The following NLGN1 variants were observed in gnomAD, a reference collection of about 807,000 sequenced individuals.
NLGN1 encodes neuroligin-1.
Under a neutral mutation model 65.5 loss-of-function variants are expected in NLGN1, and 12 were observed. The ratio of observed to expected loss-of-function variants is 0.18; its 90% confidence interval spans 0.12 to 0.30. The LOEUF (loss-of-function observed/expected upper bound fraction) is 0.30. NLGN1 is among the 10% of genes least tolerant of loss of function. NLGN1 has a pLI of 1.00. For missense variants in NLGN1, 750 were observed against 1,007.1 expected, an observed-to-expected ratio of 0.74 and a Z score of 3.46; for synonymous variants, 350 against 359.5, an observed-to-expected ratio of 0.97 and a Z score of 0.30.
intron 4 of NLGN1, among the ~76,000 whole-genome samples, chr3:174,259,903 C>T (rs1332301764): frequency 7.0e-6 from 1 of 142,646 alleles, no homozygotes; most frequent in Admixed American, 7.5e-5. Context: ...TCTCATTCTT[C>T]AATTCCCACC....
intron 4 of NLGN1, among the ~76,000 whole-genome samples, chr3:173,898,265 G>C (rs78163169): frequency 0.046 from 7,071 of 152,188 alleles, 367 homozygotes; most frequent in African/African-American, 0.13. Context: ...CAATTTTACA[G>C]AAAGTAAACA....
At chr3:173,557,299 T>C (rs922998753) in intron 2 of NLGN1, among the ~76,000 whole-genome samples, 25 of 152,190 alleles carry the variant, frequency 1.6e-4, no homozygotes, top group Admixed American at 1.6e-3. Context: ...TTAGGGTTTG[T>C]ATGGCACCTG....
intron 4 of NLGN1, among the ~76,000 whole-genome samples, chr3:173,810,739 A>C (rs530123279): frequency 6.6e-6 from 1 of 152,358 alleles, no homozygotes. Flanking sequence ...CATGTTAAAA[A>C]AAATTTGTTT....
intron 3 of NLGN1, among the ~76,000 whole-genome samples, chr3:173,637,969 G>GC (rs1756849420): frequency 6.6e-6 from 1 of 152,132 alleles, no homozygotes; most frequent in African/African-American, 2.4e-5. Flanking sequence ...AAACTTTGAT[G>GC]ATAAACCATT....
At chr3:174,255,435 C>CAAAAAAAAAAAAAA (rs71162383) in intron 4 of NLGN1, among the ~76,000 whole-genome samples, 4 of 70,218 alleles carry the variant, frequency 5.7e-5, no homozygotes, top group African/African-American at 1.5e-4. Context: ...GACTCTGTCT[C>CAAAAAAAAAAAAAA]AAAAAAAAAA....
At chr3:173,867,408 A>G (rs1045449204) in intron 4 of NLGN1, among the ~76,000 whole-genome samples, 8 of 152,148 alleles carry the variant, frequency 5.3e-5, no homozygotes, top group African/African-American at 1.7e-4. Context: ...GAGTTACTAT[A>G]ACTGGCAATT....
At chr3:174,041,716 G>A (rs901315843) in intron 4 of NLGN1, among the ~76,000 whole-genome samples, 8 of 151,868 alleles carry the variant, frequency 5.3e-5, no homozygotes, top group East Asian at 1.9e-4. Flanking sequence ...GCACTTTTTC[G>A]TGTGTTTATT....
At chr3:174,000,401 G>A (rs1040831137) in intron 4 of NLGN1, among the ~76,000 whole-genome samples, 16 of 151,890 alleles carry the variant, frequency 1.1e-4, no homozygotes, top group Admixed American at 9.8e-4. Flanking sequence ...AATTCAACTG[G>A]CATAAACAAT....
At chr3:173,418,390 T>G (rs569402) in intron 1 of NLGN1, among the ~76,000 whole-genome samples, 50,631 of 151,748 alleles carry the variant, frequency 0.33, 9,656 homozygotes, top group African/African-American at 0.53. Context: ...AATTCTTGGG[T>G]TTAAAGATAT....
chr3:173,717,228 C>A (rs890064118), intron 3 of NLGN1, among the ~76,000 whole-genome samples: 1 of 152,086 alleles, frequency 6.6e-6, no homozygotes. Flanking sequence ...TTGATGTGAT[C>A]TGTTCTAAAA....
chr3:173,664,105 C>T (rs1761363771), intron 3 of NLGN1, among the ~76,000 whole-genome samples: 1 of 151,872 alleles, frequency 6.6e-6, no homozygotes, highest in Admixed American at 6.6e-5. Flanking sequence ...TGTGCTTCTC[C>T]AAAATATGAA....
intron 3 of NLGN1, among the ~76,000 whole-genome samples, chr3:173,690,455 G>A (rs1164270488): frequency 1.3e-5 from 2 of 152,000 alleles, no homozygotes; most frequent in Non-Finnish European, 2.9e-5. Context: ...TACCTTCTGT[G>A]GCATTTTTCA....
chr3:173,767,792 A>G (rs567706869), intron 3 of NLGN1, among the ~76,000 whole-genome samples: 1 of 152,216 alleles, frequency 6.6e-6, no homozygotes, highest in East Asian at 1.9e-4. Flanking sequence ...TTTCTTCAAC[A>G]TAAATTATAG....
intron 4 of NLGN1, among the ~76,000 whole-genome samples, chr3:174,110,856 A>G (rs1293695637): frequency 6.6e-6 from 1 of 151,984 alleles, no homozygotes; most frequent in African/African-American, 2.4e-5. Context: ...AGATGAATTA[A>G]ACCAATTTAA....
intron 3 of NLGN1, among the ~76,000 whole-genome samples, chr3:173,718,042 A>T (rs1770164995): frequency 6.6e-6 from 1 of 152,112 alleles, no homozygotes; most frequent in African/African-American, 2.4e-5. Flanking sequence ...CTATACATAT[A>T]TACGGGGCAC....
rs920247136 is a variant in NLGN1 at position 174,001,361 on chromosome 3, G to A, written c.646+193529G>A. 5.9e-5 allele frequency among the ~76,000 whole-genome samples: 9 copies of A among 151,900 alleles called. 2 individuals are homozygous for A. The highest frequency in any genetic ancestry group is 6.6e-5 in the Admixed American group (1 of 15,256). ...TTGAAAAAAAAAAATCAGAAAATTG[G>A]GAATAGAAGTAAGTTTTGGATAAGA... is the stretch of plus-strand genomic sequence containing the variant. On this transcript the variant is annotated intron_variant, in intron 4 of 6. Coordinates refer to ENST00000457714, the Ensembl canonical transcript of NLGN1.
chr3:174,043,591 C>A (rs909327731), intron 4 of NLGN1, among the ~76,000 whole-genome samples: 1 of 152,244 alleles, frequency 6.6e-6, no homozygotes, highest in African/African-American at 2.4e-5. Context: ...TCCTTTGACT[C>A]CATGTCTCAC....
At position 174,163,391 on chromosome 3, in the gene NLGN1, C is replaced by T. The variant is rs147615637; in HGVS notation, c.647-111924C>T. Among the ~76,000 whole-genome samples the T allele has an allele frequency of 2.1e-3, 323 of 152,002 alleles. 1 individual carries two copies. The highest frequency in any genetic ancestry group is 7.4e-3 in the African/African-American group (305 of 41,492). On this transcript the variant is annotated intron_variant, in intron 4 of 6. Transcript: ENST00000457714. ...ACTTTTGTTTTCCCTTGTATTACAC[C>T]TTGAAGGATTTTTTTAGTTGTTAAT... is the stretch of plus-strand genomic sequence containing the variant.
intron 3 of NLGN1, among the ~76,000 whole-genome samples, chr3:173,798,336 A>G (rs1254530812): frequency 2.0e-5 from 3 of 152,186 alleles, no homozygotes; most frequent in East Asian, 3.8e-4. Flanking sequence ...ATAGAAATGT[A>G]TATTTTTTTG....
Sources: allele counts gnomAD v4.1 joint callset (sites outside exome capture counted in the v4.1 genomes callset), GRCh38; gene constraint gnomAD v4.1.1; transcripts MANE v1.5; gene names NCBI Gene and HGNC (gene_info 2026-07-23, HGNC 2026-07-21).